The following TENM2 variants were observed in gnomAD, a reference collection of about 807,000 sequenced individuals.
TENM2 encodes teneurin-2.
In TENM2, 52 loss-of-function variants were observed where a neutral mutation model predicts 245.2. The ratio of observed to expected loss-of-function variants is 0.21; its 90% confidence interval spans 0.17 to 0.27. The LOEUF (loss-of-function observed/expected upper bound fraction) is 0.27, where lower values mean the gene tolerates loss of function less well. Among genes scored for constraint, TENM2 ranks in the 10% least tolerant of loss-of-function variants. TENM2 has a pLI of 1.00. For missense variants in TENM2, 3,046 were observed against 3,666.8 expected (o/e 0.83, Z 4.37); for synonymous variants, 1,363 against 1,438.9 (o/e 0.95, Z 1.19).
intron 7 of TENM2, among the ~76,000 whole-genome samples, chr5:168,077,394 T>C (rs149488876): frequency 3.2e-4 from 48 of 152,196 alleles, no homozygotes; most frequent in African/African-American, 1.1e-3. Flanking sequence ...GCATGGGGGA[T>C]GCTGAGTTCA....
chr5:167,288,110 C>T (rs1411277567), intron 1 of TENM2, among the ~76,000 whole-genome samples: 3 of 152,108 alleles, frequency 2.0e-5, no homozygotes, highest in African/African-American at 4.8e-5. Context: ...ATATACAAGA[C>T]ATTCTCCTGG....
intron 2 of TENM2, among the ~76,000 whole-genome samples, chr5:167,620,277 G>A (rs1389586616): frequency 6.6e-6 from 1 of 152,080 alleles, no homozygotes; most frequent in Admixed American, 6.6e-5. Flanking sequence ...AGCACTTGGA[G>A]GGGGAAATCA....
chr5:167,456,170 G>A (rs1016484158), intron 2 of TENM2, among the ~76,000 whole-genome samples: 1 of 152,088 alleles, frequency 6.6e-6, no homozygotes, highest in Non-Finnish European at 1.5e-5. Context: ...TGGCAGTATG[G>A]AACAGGACAC....
the TENM2 span, among the ~76,000 whole-genome samples, chr5:167,192,702 C>T: frequency 6.6e-6 from 1 of 152,032 alleles, no homozygotes; most frequent in African/African-American, 2.4e-5. Flanking sequence ...GAACCCAATT[C>T]TCCTCTGTTG....
chr5:167,311,858 T>C (rs1385231843), intron 1 of TENM2, among the ~76,000 whole-genome samples: 1 of 152,236 alleles, frequency 6.6e-6, no homozygotes, highest in Non-Finnish European at 1.5e-5. Context: ...AATCCGTTTA[T>C]ATCATATTCT....
At chr5:167,484,369 T>C (rs1767939549) in intron 2 of TENM2, among the ~76,000 whole-genome samples, 1 of 152,110 alleles carries the variant, frequency 6.6e-6, no homozygotes, top group African/African-American at 2.4e-5. Context: ...CTCACTGATG[T>C]CTTTATAAAA....
At chr5:167,692,698 G>A (rs576311520) in intron 2 of TENM2, among the ~76,000 whole-genome samples, 1 of 152,282 alleles carries the variant, frequency 6.6e-6, no homozygotes, top group South Asian at 2.1e-4. Flanking sequence ...ATAAGGTAGG[G>A]AGACCCAGCT....
intron 1 of TENM2, among the ~76,000 whole-genome samples, chr5:167,359,862 CT>C (rs1759594339): frequency 6.6e-6 from 1 of 152,132 alleles, no homozygotes; most frequent in Admixed American, 6.6e-5. Flanking sequence ...CATATGAGCC[CT>C]TTGCAGGATC....
intron 27 of TENM2, among the ~76,000 whole-genome samples, chr5:168,252,410 G>T (rs1313411666): frequency 6.7e-6 from 1 of 149,632 alleles, no homozygotes; most frequent in African/African-American, 2.5e-5. Context: ...CCAACAACCT[G>T]CAATGGCCTA....
the TENM2 span, among the ~76,000 whole-genome samples, chr5:167,150,815 C>CTGCAGCACATAATTG: frequency 2.6e-5 from 4 of 152,200 alleles, no homozygotes; most frequent in African/African-American, 9.6e-5. Flanking sequence ...AATGTAATGA[C>CTGCAGCACATAATTG]TGCAGCAAGC....
chr5:167,319,959 T>C (rs1434776177), intron 1 of TENM2, among the ~76,000 whole-genome samples: 1 of 152,214 alleles, frequency 6.6e-6, no homozygotes, highest in Non-Finnish European at 1.5e-5. Context: ...CTCTGGTGTA[T>C]GTCAGGCACT....
At chr5:168,229,598 A>G (rs186643637) in intron 25 of TENM2, 2 of 150,884 alleles carry the variant, frequency 1.3e-5, no homozygotes, top group East Asian at 1.9e-4. Flanking sequence ...TGGAACAAAG[A>G]AAGAGTTTAT....
chr5:167,794,145 C>A (rs1177833071), intron 2 of TENM2, among the ~76,000 whole-genome samples: 1 of 152,026 alleles, frequency 6.6e-6, no homozygotes, highest in Admixed American at 6.6e-5. Flanking sequence ...GTAGCTATGT[C>A]GCCCACCAGT....
At chr5:167,651,028 C>A (rs953885557) in intron 2 of TENM2, among the ~76,000 whole-genome samples, 2 of 151,990 alleles carry the variant, frequency 1.3e-5, no homozygotes, top group Non-Finnish European at 2.9e-5. Context: ...AGAACAGGAA[C>A]CAATATTGCA....
chr5:167,588,839 G>A (rs1775684975), intron 2 of TENM2, among the ~76,000 whole-genome samples: 1 of 152,112 alleles, frequency 6.6e-6, no homozygotes, highest in African/African-American at 2.4e-5. Flanking sequence ...ATTTATGATT[G>A]GAACCCATTT....
chr5:167,162,577 G>A, the TENM2 span, among the ~76,000 whole-genome samples: 2 of 151,074 alleles, frequency 1.3e-5, no homozygotes, highest in Admixed American at 6.6e-5. Flanking sequence ...GCAGTGAGCC[G>A]AGATGGCGCC....
chr5:167,066,577 T>C, the TENM2 span, among the ~76,000 whole-genome samples: 4 of 137,864 alleles, frequency 2.9e-5, no homozygotes, highest in Admixed American at 1.5e-4. Context: ...TTCCCCTTCC[T>C]GTGTCCAAGT....
intron 13 of TENM2, among the ~76,000 whole-genome samples, chr5:168,167,062 T>C (rs1345693552): frequency 6.6e-6 from 1 of 151,756 alleles, no homozygotes; most frequent in African/African-American, 2.4e-5. Context: ...TGGCAGACTG[T>C]CTTTTTAATA....
At chr5:167,800,451 C>T (rs1261743857) in intron 2 of TENM2, among the ~76,000 whole-genome samples, 2 of 152,194 alleles carry the variant, frequency 1.3e-5, no homozygotes, top group Admixed American at 6.5e-5. Context: ...AGGTGACTTG[C>T]TCAAGCCTAG....
Sources: allele counts gnomAD v4.1 joint callset (sites outside exome capture counted in the v4.1 genomes callset), GRCh38; gene constraint gnomAD v4.1.1; transcripts MANE v1.5; gene names NCBI Gene and HGNC (gene_info 2026-07-23, HGNC 2026-07-21).